KHDC1: variants seen among roughly 807,000 people sequenced by gnomAD.
KHDC1 encodes the protein KH domain containing 1.
Under a neutral mutation model 24.7 loss-of-function variants are expected in KHDC1, and 21 were observed. The observed-to-expected ratio is 0.85, with a 90% CI of 0.60 to 1.23. The LOEUF (loss-of-function observed/expected upper bound fraction) is 1.23. Among genes scored for constraint, KHDC1 ranks in the 50% most tolerant of loss-of-function variants. The pLI, the probability that KHDC1 is intolerant of heterozygous loss-of-function variation, is 0.00. For missense variants in KHDC1, 274 were observed against 298.5 expected (o/e 0.92, Z 0.61); for synonymous variants, 98 against 111.7 (o/e 0.88, Z 0.77).
At chr6:73,261,548 C>T (rs1176519573) in intron 2 of KHDC1, among the ~76,000 whole-genome samples, 2 of 151,446 alleles carry the variant, frequency 1.3e-5, no homozygotes, top group African/African-American at 4.9e-5. Flanking sequence ...GGCGGGCGGA[C>T]CCCTTGAGCC....
chr6:73,264,881 C>G (rs765928978), intron 2 of KHDC1, among the ~76,000 whole-genome samples: 1 of 152,158 alleles, frequency 6.6e-6, no homozygotes, highest in African/African-American at 2.4e-5. Context: ...GTGAGCAAGG[C>G]AGATTTTGGA....
At chr6:73,272,112 AAAAAC>A (rs1767190133) in intron 2 of KHDC1, among the ~76,000 whole-genome samples, 1 of 151,724 alleles carries the variant, frequency 6.6e-6, no homozygotes, top group Non-Finnish European at 1.5e-5. Context: ...GTCCACCAGA[AAAAAC>A]TTTTGATCAT....
chr6:73,267,071 G>A (rs954687463), intron 2 of KHDC1, among the ~76,000 whole-genome samples: 8 of 152,182 alleles, frequency 5.3e-5, no homozygotes, highest in African/African-American at 7.2e-5. Context: ...CTCCAAAGAC[G>A]ATATACAAAT....
intron 2 of KHDC1, among the ~76,000 whole-genome samples, chr6:73,262,429 A>T (rs1766996223): frequency 6.6e-6 from 1 of 152,220 alleles, no homozygotes; most frequent in Non-Finnish European, 1.5e-5. Flanking sequence ...CTAAAAAGAA[A>T]CTACTGGTCC....
At chr6:73,246,708 C>T (rs1299760818) in intron 2 of KHDC1, among the ~76,000 whole-genome samples, 1 of 152,096 alleles carries the variant, frequency 6.6e-6, no homozygotes, top group African/African-American at 2.4e-5. Context: ...TTACAAATAA[C>T]CTAAAAAAAT....
intron 1 of KHDC1, among the ~76,000 whole-genome samples, chr6:73,294,368 A>T (rs1452754958): frequency 4.1e-5 from 6 of 147,506 alleles, no homozygotes; most frequent in Non-Finnish European, 9.0e-5. Flanking sequence ...ATGAAGACTT[A>T]AAAAAAAAAG....
intron 1 of KHDC1, among the ~76,000 whole-genome samples, chr6:73,305,130 C>T (rs984056883): frequency 6.6e-6 from 1 of 151,820 alleles, no homozygotes; most frequent in African/African-American, 2.4e-5. Context: ...CTCAGCTTCT[C>T]GGGAGGCTGA....
chr6:73,278,859 A>G (rs1767351331), intron 2 of KHDC1, among the ~76,000 whole-genome samples: 1 of 152,222 alleles, frequency 6.6e-6, no homozygotes, highest in Non-Finnish European at 1.5e-5. Context: ...AGGGGGCACT[A>G]TTGTACACGA....
At chr6:73,282,020 C>A (rs1767422677) in intron 2 of KHDC1, among the ~76,000 whole-genome samples, 1 of 151,868 alleles carries the variant, frequency 6.6e-6, no homozygotes. Context: ...GAGTTTGAGA[C>A]CAGCCTGGCC....
chr6:73,242,160 T>C, exon 4 of KHDC1: 1 of 1,614,178 alleles, frequency 6.2e-7, no homozygotes, highest in Non-Finnish European at 8.5e-7. Context: ...GTCTGGCCTG[T>C]AGCTGTGAAC....
At chr6:73,306,017 A>G (rs1259727376) in intron 1 of KHDC1, among the ~76,000 whole-genome samples, 2 of 152,206 alleles carry the variant, frequency 1.3e-5, no homozygotes, top group African/African-American at 4.8e-5. Context: ...TTGGGTTATT[A>G]GTTATGAAAG....
intron 1 of KHDC1, chr6:73,292,437 C>T: frequency 3.9e-6 from 3 of 774,636 alleles, no homozygotes; most frequent in South Asian, 2.7e-5. Context: ...GTGTTGGTTC[C>T]AGCAACAGAC....
chr6:73,298,422 AATTT>A (rs1474459217), intron 1 of KHDC1, among the ~76,000 whole-genome samples: 2,399 of 114,952 alleles, frequency 0.021, 56 homozygotes, highest in Non-Finnish European at 0.031. Flanking sequence ...ATACTTTGCA[AATTT>A]TTTTTTTTTT....
At chr6:73,292,703 C>A in intron 1 of KHDC1, 1 of 749,400 alleles carries the variant, frequency 1.3e-6, no homozygotes, top group Non-Finnish European at 2.5e-6. Flanking sequence ...TCCACACATT[C>A]TTCACTATTT....
chr6:73,276,443 T>C (rs1366413782), intron 2 of KHDC1: 6 of 151,734 alleles, frequency 4.0e-5, no homozygotes, highest in African/African-American at 1.2e-4. Flanking sequence ...ACCAAGATCA[T>C]GCCACTTCAC....
At chr6:73,269,342 G>A (rs554880477) in intron 2 of KHDC1, 2 of 153,224 alleles carry the variant, frequency 1.3e-5, no homozygotes, top group East Asian at 1.9e-4. Flanking sequence ...TGGGCCGAAG[G>A]GCTCCTCAAG....
At chr6:73,263,100 T>C in intron 2 of KHDC1, 1 of 1,023,640 alleles carries the variant, frequency 9.8e-7, no homozygotes, top group South Asian at 3.9e-5. Context: ...GCCTGGCCGA[T>C]TGTGAGGAGA....
At chr6:73,253,758 T>C (rs1249419308) in intron 2 of KHDC1, among the ~76,000 whole-genome samples, 2 of 151,550 alleles carry the variant, frequency 1.3e-5, no homozygotes, top group Admixed American at 1.3e-4. Flanking sequence ...AATTAAAAAA[T>C]TGGCCAGGCA....
At chr6:73,287,008 A>C (rs1767535882) in intron 2 of KHDC1, among the ~76,000 whole-genome samples, 1 of 152,212 alleles carries the variant, frequency 6.6e-6, no homozygotes, top group South Asian at 2.1e-4. Flanking sequence ...GGCCCACACT[A>C]AGTGAGGTAG....
Sources: gnomAD v4.1 joint callset for allele counts (sites outside exome capture counted in the v4.1 genomes callset) on GRCh38, gnomAD v4.1.1 for gene constraint, MANE v1.5 for transcripts, NCBI Gene and HGNC (gene_info 2026-07-23, HGNC 2026-07-21) for gene names.